CDH12: variants seen among roughly 807,000 people sequenced by gnomAD.
CDH12 encodes the protein cadherin 12.
A neutral mutation model predicts 74.1 loss-of-function variants in CDH12; 41 were observed. That is an observed-to-expected ratio of 0.55 (90% CI 0.43 to 0.72). CDH12 has a LOEUF of 0.72. CDH12 is among the 30% of genes least tolerant of loss of function. CDH12 has a pLI of 0.00. For missense variants in CDH12, 945 were observed against 977.2 expected, an observed-to-expected ratio of 0.97 and a Z score of 0.44; for synonymous variants, 399 against 355.0, an observed-to-expected ratio of 1.12 and a Z score of -1.39.
intron 5 of CDH12, among the ~76,000 whole-genome samples, chr5:22,073,949 C>A (rs1189877877): frequency 6.6e-6 from 1 of 152,032 alleles, no homozygotes; most frequent in Non-Finnish European, 1.5e-5. Context: ...TACCAAGAAC[C>A]AGAAAGTCAT....
Position 22,733,581 on chromosome 5 carries a change from T to A in CDH12, c.-523+119477A>T, listed in dbSNP as rs1250754298. On this transcript the variant is annotated intron_variant, in intron 1 of 14. Coordinates refer to ENST00000382254, the MANE Select transcript of CDH12 (RefSeq NM_004061.5). Reference sequence around the variant, plus strand: ...CCATGATGTCATATTTTTGCCAATATAAAATTTTAAATTGATGTGCATCAA... The same window carrying A: ...CCATGATGTCATATTTTTGCCAATAAAAAATTTTAAATTGATGTGCATCAA... Among the ~76,000 whole-genome samples the A allele has an allele frequency of 2.0e-5, 3 of 151,930 alleles. 1 individual carries two copies. The highest frequency in any genetic ancestry group is 4.1e-4 in the South Asian group (2 of 4,832).
At chr5:22,063,977 A>G (rs1200131107) in intron 5 of CDH12, among the ~76,000 whole-genome samples, 1 of 132,034 alleles carries the variant, frequency 7.6e-6, no homozygotes, top group Non-Finnish European at 1.6e-5. Flanking sequence ...TGACTCATGC[A>G]ATTATGGAGA....
At chr5:22,647,532 G>C (rs558958451) in intron 1 of CDH12, among the ~76,000 whole-genome samples, 16 of 151,768 alleles carry the variant, frequency 1.1e-4, no homozygotes, top group African/African-American at 3.9e-4. Context: ...GCTTATAGGT[G>C]ATTTCCTTCT....
At chr5:22,837,579 G>A (rs1454179495) in intron 1 of CDH12, among the ~76,000 whole-genome samples, 1 of 152,118 alleles carries the variant, frequency 6.6e-6, no homozygotes, top group Non-Finnish European at 1.5e-5. Context: ...TTTTAGTCAT[G>A]TAAAAATATG....
intron 3 of CDH12, among the ~76,000 whole-genome samples, chr5:22,247,311 T>C (rs1752981651): frequency 2.4e-4 from 1 of 4,214 alleles, no homozygotes; most frequent in South Asian, 0.17. Flanking sequence ...CCAACGTCAA[T>C]GAAGCCTAGT....
intron 1 of CDH12, among the ~76,000 whole-genome samples, chr5:22,726,760 T>C (rs1393034696): frequency 6.6e-6 from 1 of 151,834 alleles, no homozygotes; most frequent in Non-Finnish European, 1.5e-5. Context: ...TTGAAAAGCC[T>C]GAGTATTCTT....
intron 5 of CDH12, among the ~76,000 whole-genome samples, chr5:22,069,356 G>GA (rs1309400134): frequency 6.6e-6 from 1 of 152,098 alleles, no homozygotes; most frequent in Non-Finnish European, 1.5e-5. Flanking sequence ...GGGCAAGGGG[G>GA]TCTCTAGGAG....
At chr5:22,155,891 C>T (rs1747993166) in intron 4 of CDH12, among the ~76,000 whole-genome samples, 1 of 152,064 alleles carries the variant, frequency 6.6e-6, no homozygotes, top group Non-Finnish European at 1.5e-5. Flanking sequence ...TGCCTTATGG[C>T]CATTTCAGAG....
intron 11 of CDH12, among the ~76,000 whole-genome samples, chr5:21,772,465 G>A (rs1745372631): frequency 6.6e-6 from 1 of 152,064 alleles, no homozygotes; most frequent in Non-Finnish European, 1.5e-5. Context: ...AGAGCTTGAT[G>A]TATGCTATTT....
At chr5:22,732,878 A>C (rs368628328) in intron 1 of CDH12, among the ~76,000 whole-genome samples, 19 of 151,910 alleles carry the variant, frequency 1.3e-4, no homozygotes, top group Non-Finnish European at 2.8e-4. Flanking sequence ...TAAGCCACCC[A>C]GTTTGTGGTA....
chr5:22,184,702 G>A (rs1299023980), intron 4 of CDH12, among the ~76,000 whole-genome samples: 1 of 152,150 alleles, frequency 6.6e-6, no homozygotes, highest in Non-Finnish European at 1.5e-5. Context: ...CACATGTGCA[G>A]AACCAGCTCA....
chr5:21,828,862 T>G (rs1173961632), intron 8 of CDH12, among the ~76,000 whole-genome samples: 1 of 151,604 alleles, frequency 6.6e-6, no homozygotes, highest in Non-Finnish European at 1.5e-5. Flanking sequence ...CTTTGCAATT[T>G]TATTTGTTTC....
chr5:22,694,820 C>T (rs1009717531), intron 1 of CDH12, among the ~76,000 whole-genome samples: 5 of 151,184 alleles, frequency 3.3e-5, no homozygotes, highest in Non-Finnish European at 7.4e-5. Flanking sequence ...CATATATATA[C>T]ATATATATGT....
intron 10 of CDH12, among the ~76,000 whole-genome samples, chr5:21,800,103 T>C (rs1286453897): frequency 2.0e-5 from 3 of 152,220 alleles, no homozygotes; most frequent in Non-Finnish European, 2.9e-5. Context: ...GGAATAGGAA[T>C]ATCTTCACCA....
chr5:21,988,889 G>A (rs553811125), intron 5 of CDH12, among the ~76,000 whole-genome samples: 1 of 152,076 alleles, frequency 6.6e-6, no homozygotes, highest in Non-Finnish European at 1.5e-5. Flanking sequence ...AATATGGGGT[G>A]AATAGAAGGA....
chr5:22,493,871 A>G (rs1169507323), intron 2 of CDH12, among the ~76,000 whole-genome samples: 3 of 152,186 alleles, frequency 2.0e-5, no homozygotes, highest in South Asian at 4.1e-4. Context: ...AACTAAACAG[A>G]CAATAAACAA....
intron 5 of CDH12, among the ~76,000 whole-genome samples, chr5:22,025,564 T>C (rs1253452611): frequency 6.6e-6 from 1 of 152,180 alleles, no homozygotes; most frequent in Non-Finnish European, 1.5e-5. Flanking sequence ...TGGTGGTTGC[T>C]GAAGGCTGGG....
chr5:22,435,524 G>GTGTATA (rs148027987), intron 2 of CDH12, among the ~76,000 whole-genome samples: 20,504 of 148,464 alleles, frequency 0.14, 1,545 homozygotes, highest in Middle Eastern at 0.21. Flanking sequence ...GTGTGTGTGT[G>GTGTATA]TATATACATA....
intron 4 of CDH12, among the ~76,000 whole-genome samples, chr5:22,187,846 T>C (rs933253651): frequency 6.6e-6 from 1 of 152,182 alleles, no homozygotes; most frequent in Non-Finnish European, 1.5e-5. Context: ...GCGCTGTTCA[T>C]GTTGTCACTG....
Sources: allele counts gnomAD v4.1 joint callset (sites outside exome capture counted in the v4.1 genomes callset), GRCh38; gene constraint gnomAD v4.1.1; transcripts MANE v1.5; gene names NCBI Gene and HGNC (gene_info 2026-07-23, HGNC 2026-07-21).